Variants in RFX4 observed in about 807,000 individuals in gnomAD.
RFX4 encodes the protein transcription factor RFX4.
Under a neutral mutation model 95.0 loss-of-function variants are expected in RFX4, and 10 were observed. The observed-to-expected ratio is 0.11, with a 90% CI of 0.06 to 0.18. The LOEUF (loss-of-function observed/expected upper bound fraction) is 0.18, where lower values mean the gene tolerates loss of function less well. Among genes scored for constraint, RFX4 ranks in the 10% least tolerant of loss-of-function variants. The pLI, the probability that RFX4 is intolerant of heterozygous loss-of-function variation, is 1.00. For missense variants in RFX4, 640 were observed against 922.0 expected (o/e 0.69, Z 3.96); for synonymous variants, 321 against 340.7 (o/e 0.94, Z 0.64).
intron 4 of RFX4, among the ~76,000 whole-genome samples, chr12:106,672,588 G>C (rs1269592298): frequency 6.6e-6 from 1 of 152,174 alleles, no homozygotes; most frequent in African/African-American, 2.4e-5. Context: ...GTGTTTTACT[G>C]TTTGCTGAGT....
intron 5 of RFX4, chr12:106,683,629 T>C (rs1224772298): frequency 2.0e-5 from 3 of 152,134 alleles, no homozygotes; most frequent in African/African-American, 4.8e-5. Flanking sequence ...ATTCAAAATG[T>C]TGGTCAAACA....
At chr12:106,609,850 T>C (rs1795593624) in intron 2 of RFX4, among the ~76,000 whole-genome samples, 1 of 152,136 alleles carries the variant, frequency 6.6e-6, no homozygotes, top group Non-Finnish European at 1.5e-5. Flanking sequence ...TCCCTGTCAA[T>C]CACTACTGTC....
At chr12:106,754,577 T>G (rs2136100667) in intron 17 of RFX4, among the ~76,000 whole-genome samples, 1 of 152,258 alleles carries the variant, frequency 6.6e-6, no homozygotes, top group Non-Finnish European at 1.5e-5. Flanking sequence ...GGAGCTGGTT[T>G]TCTGGGGTGA....
At chr12:106,687,332 C>T (rs2041681104) in intron 6 of RFX4, among the ~76,000 whole-genome samples, 1 of 151,912 alleles carries the variant, frequency 6.6e-6, no homozygotes, top group South Asian at 2.1e-4. Context: ...GTGGGTGAAT[C>T]ACTTGAGGTC....
At chr12:106,660,820 C>T (rs1032666892) in intron 4 of RFX4, among the ~76,000 whole-genome samples, 1 of 152,068 alleles carries the variant, frequency 6.6e-6, no homozygotes, top group Non-Finnish European at 1.5e-5. Flanking sequence ...GGAGTGAGAA[C>T]CCTATTGTGA....
At chr12:106,684,424 T>A (rs566256276) in intron 5 of RFX4, among the ~76,000 whole-genome samples, 2 of 152,078 alleles carry the variant, frequency 1.3e-5, no homozygotes, top group South Asian at 2.1e-4. Context: ...AATTAAAAAA[T>A]AAATAAATAA....
At chr12:106,640,712 C>G (rs1006939927) in intron 3 of RFX4, among the ~76,000 whole-genome samples, 3 of 151,418 alleles carry the variant, frequency 2.0e-5, no homozygotes, top group Admixed American at 6.6e-5. Context: ...GCCAAGACAT[C>G]GAATGAGGCA....
intron 9 of RFX4, among the ~76,000 whole-genome samples, chr12:106,710,637 T>G (rs1004393138): frequency 1.3e-5 from 2 of 152,168 alleles, no homozygotes; most frequent in African/African-American, 4.8e-5. Context: ...AAAACAAACC[T>G]GTTCAAAGTC....
At chr12:106,616,697 G>A (rs1453385436) in intron 2 of RFX4, among the ~76,000 whole-genome samples, 2 of 151,944 alleles carry the variant, frequency 1.3e-5, no homozygotes, top group East Asian at 1.9e-4. Context: ...TTACTTTTAA[G>A]GAATCTGTTT....
intron 8 of RFX4, among the ~76,000 whole-genome samples, chr12:106,706,317 G>A (rs879576577): frequency 2.6e-5 from 4 of 152,136 alleles, no homozygotes; most frequent in Non-Finnish European, 5.9e-5. Context: ...AGTTTTAATC[G>A]GAATTACAGG....
chr12:106,755,513 T>A (rs1050990935), intron 17 of RFX4, among the ~76,000 whole-genome samples: 10 of 152,238 alleles, frequency 6.6e-5, no homozygotes, highest in Non-Finnish European at 1.5e-4. Flanking sequence ...TCAAACCCAA[T>A]GCTAAACCAG....
rs762690661 is a variant in RFX4, at chr12:106,719,978, A to G, written c.1157A>G (p.His386Arg). 3 of 1,614,164 alleles carry G rather than the reference A, an allele frequency of 1.9e-6. No homozygotes were observed. The highest frequency in any genetic ancestry group is 2.2e-5 in the East Asian group (1 of 44,878). ...TTGACAGTATATCAGGAGTTTGACC[A>G]TCTCTTGGAGGAGCAGTCTCCCATC... ...LITQLYQEFD[H>R]LLEEQSPIES... The change falls in exon 12 of 18, where the codon CAT becomes CGT. Residue 386 changes from histidine (H) to arginine (R), a missense_variant. His to Arg is a conservative substitution (Grantham distance 29, BLOSUM62 0). Coordinates refer to ENST00000392842, the MANE Select transcript of RFX4 (RefSeq NM_213594.3).
chr12:106,610,176 T>TGCA (rs1216585359), intron 2 of RFX4, among the ~76,000 whole-genome samples: 1 of 148,076 alleles, frequency 6.8e-6, no homozygotes, highest in Non-Finnish European at 1.5e-5. Flanking sequence ...AGGCAGAGCT[T>TGCA]GCAGTGAGCC....
intron 10 of RFX4, among the ~76,000 whole-genome samples, chr12:106,713,243 A>C (rs2042224625): frequency 6.6e-6 from 1 of 152,132 alleles, no homozygotes; most frequent in Non-Finnish European, 1.5e-5. Flanking sequence ...AAATACTTAG[A>C]CCTAAGATTC....
intron 1 of RFX4, among the ~76,000 whole-genome samples, chr12:106,604,357 G>A (rs908340685): frequency 5.3e-5 from 8 of 151,726 alleles, no homozygotes; most frequent in African/African-American, 1.2e-4. Flanking sequence ...CCTGACCTCC[G>A]GTGATCAGCC....
rs566129834 is a variant in RFX4, at chr12:106,738,051, G to A, written c.1633+4966G>A. Among the ~76,000 whole-genome samples, 12 of 152,160 alleles carry A rather than the reference G, an allele frequency of 7.9e-5. No homozygotes were observed. In the East Asian group the frequency reaches 1.2e-3, roughly 15 times the overall value. On this transcript the variant is annotated intron_variant, in intron 15 of 17. Coordinates refer to ENST00000392842, the MANE Select transcript of RFX4 (RefSeq NM_213594.3). ...AGGGAAGAGAATTTAAGTACCATTC[G>A]CAGCTCTTCATGCAGCTCTCAGGAG...
intron 1 of RFX4, among the ~76,000 whole-genome samples, chr12:106,601,724 G>A (rs1329301884): frequency 6.6e-6 from 1 of 152,206 alleles, no homozygotes; most frequent in African/African-American, 2.4e-5. Flanking sequence ...TGGTGGGCCC[G>A]GCGGGCAAGG....
At chr12:106,677,826 T>C (rs1303990789) in intron 4 of RFX4, among the ~76,000 whole-genome samples, 1 of 151,734 alleles carries the variant, frequency 6.6e-6, no homozygotes, top group Admixed American at 6.6e-5. Context: ...AGTGCAGTAG[T>C]GGGGGTAAGG....
chr12:106,685,281 T>G (rs774394116), intron 5 of RFX4, among the ~76,000 whole-genome samples: 12 of 152,116 alleles, frequency 7.9e-5, no homozygotes, highest in Admixed American at 2.0e-4. Flanking sequence ...TAAGTGATTC[T>G]TAGTAGTAGT....
Sources: allele counts gnomAD v4.1 joint callset (sites outside exome capture counted in the v4.1 genomes callset), GRCh38; gene constraint gnomAD v4.1.1; transcripts MANE v1.5; gene names NCBI Gene and HGNC (gene_info 2026-07-23, HGNC 2026-07-21).